The following TMEM131 variants were observed in gnomAD, a reference collection of about 807,000 sequenced individuals.
TMEM131 encodes the protein 2610524E03Rik.
Under a neutral mutation model 211.6 loss-of-function variants are expected in TMEM131, and 66 were observed. The ratio of observed to expected loss-of-function variants is 0.31; its 90% CI spans 0.26 to 0.38. The LOEUF (loss-of-function observed/expected upper bound fraction) is 0.38. TMEM131 is among the 10% of genes least tolerant of loss of function. The pLI is 1.00. For synonymous variants in TMEM131, 844 were observed against 841.3 expected (o/e 1.00, Z -0.06); for missense variants, 2,036 against 2,299.3 (o/e 0.89, Z 2.34).
At chr2:97,873,737 C>A (rs1448050851) in intron 4 of TMEM131, among the ~76,000 whole-genome samples, 1 of 152,074 alleles carries the variant, frequency 6.6e-6, no homozygotes, top group Non-Finnish European at 1.5e-5. Context: ...CATCAAAGAC[C>A]AAAGGTAGAT....
chr2:97,995,544 G>A lies in TMEM131; in HGVS notation c.119C>T (p.Ala40Val), dbSNP rs770444206. 1 of 1,340,174 alleles carries A rather than the reference G, an allele frequency of 7.5e-7. No homozygotes were observed. The allele number at this position is 1,340,174 out of a possible 1,614,324, so 83.0% of individuals were successfully genotyped here. ...CAGGTGCAGCGCGCCTAGGAGGCCG[G>A]CGGCCGCGCTCCGCGGGCCCCCGCT... ...ARSGGPRSAA[A>V]GLLGALHLVM... is the part of the protein sequence containing the mutation. The change falls in exon 1 of 41, where the codon GCC (alanine) becomes GTC (valine). Residue 40 changes from alanine to valine, a missense_variant. Around this residue, in one of 3 missense-constraint regions of TMEM131, gnomAD observed 136 missense variants for 115.4 expected, o/e 1.18. Coordinates refer to ENST00000186436, the MANE Select transcript of TMEM131 (RefSeq NM_015348.2).
intron 31 of TMEM131, among the ~76,000 whole-genome samples, chr2:97,788,064 C>A (rs995638654): frequency 2.6e-5 from 4 of 152,164 alleles, no homozygotes; most frequent in African/African-American, 4.8e-5. Flanking sequence ...CACAGCACCC[C>A]ACCGCTCTCC....
At chr2:97,913,718 C>T (rs1676386176) in intron 2 of TMEM131, among the ~76,000 whole-genome samples, 1 of 152,146 alleles carries the variant, frequency 6.6e-6, no homozygotes, top group African/African-American at 2.4e-5. Flanking sequence ...GAATGAGGTA[C>T]GTGGCAGTTG....
chr2:97,921,649 G>C (rs999122238), intron 2 of TMEM131, among the ~76,000 whole-genome samples: 3 of 152,148 alleles, frequency 2.0e-5, no homozygotes, highest in Non-Finnish European at 4.4e-5. Context: ...CTGCTGTGAG[G>C]TTACGGCTCC....
At chr2:97,886,032 G>A (rs887071099) in intron 4 of TMEM131, among the ~76,000 whole-genome samples, 25 of 151,690 alleles carry the variant, frequency 1.6e-4, no homozygotes, top group Middle Eastern at 3.2e-3. Flanking sequence ...TCTTTCTTCT[G>A]CTTGGTTTAG....
chr2:97,793,293 T>A, intron 30 of TMEM131, 102 bp downstream of exon 30: 2 of 1,283,688 alleles, frequency 1.6e-6, no homozygotes, highest in Non-Finnish European at 2.1e-6. Context: ...ATTAAGATTT[T>A]TTTTCTCCTG....
chr2:97,949,909 AG>A (rs1678223967), intron 1 of TMEM131, among the ~76,000 whole-genome samples: 1 of 151,842 alleles, frequency 6.6e-6, no homozygotes, highest in South Asian at 2.1e-4. Flanking sequence ...TAGCTTCTGA[AG>A]GATTCCAAAT....
intron 26 of TMEM131, 37 bp from the exon 27 acceptor site, chr2:97,797,023 T>C: frequency 1.3e-6 from 2 of 1,593,924 alleles, no homozygotes; most frequent in Non-Finnish European, 1.7e-6. Flanking sequence ...TTTCTCTCAT[T>C]AAATCTGCAC....
chr2:97,910,279 G>A (rs1464981670), intron 2 of TMEM131, among the ~76,000 whole-genome samples: 1 of 152,174 alleles, frequency 6.6e-6, no homozygotes, highest in East Asian at 1.9e-4. Flanking sequence ...CACTGTTAGT[G>A]TGAATATTAA....
At chr2:97,884,819 G>C (rs1242272346) in intron 4 of TMEM131, among the ~76,000 whole-genome samples, 1 of 152,158 alleles carries the variant, frequency 6.6e-6, no homozygotes, top group African/African-American at 2.4e-5. Context: ...TACAGATGAG[G>C]TGAGTTTCTT....
chr2:97,783,594 T>C (rs1443230693), intron 31 of TMEM131, among the ~76,000 whole-genome samples: 1 of 151,944 alleles, frequency 6.6e-6, no homozygotes, highest in Non-Finnish European at 1.5e-5. Flanking sequence ...GTTATGTACA[T>C]ATAATGTATA....
chr2:97,909,333 G>A (rs957701225), intron 2 of TMEM131, among the ~76,000 whole-genome samples: 3 of 152,120 alleles, frequency 2.0e-5, no homozygotes, highest in African/African-American at 4.8e-5. Context: ...AGAAACAGAT[G>A]GCAGGTCTCT....
intron 31 of TMEM131, among the ~76,000 whole-genome samples, chr2:97,789,858 T>A (rs746775019): frequency 2.6e-5 from 4 of 152,162 alleles, no homozygotes; most frequent in Non-Finnish European, 4.4e-5. Flanking sequence ...AGGCCAACCA[T>A]GAACAGGCGG....
At chr2:97,976,725 T>A (rs531887915) in intron 1 of TMEM131, among the ~76,000 whole-genome samples, 1 of 152,072 alleles carries the variant, frequency 6.6e-6, no homozygotes, top group Non-Finnish European at 1.5e-5. Flanking sequence ...ACAAAGTTGG[T>A]GAACTGACAC....
Position 97,766,193 on chromosome 2 carries a change from G to A in TMEM131, c.4644C>T (p.Gly1548=). 1 of 1,614,070 alleles carries A rather than the reference G, an allele frequency of 6.2e-7. No individual in the cohort carries two copies. Among genetic ancestry groups the A allele is most frequent in the South Asian group, 1.1e-5 (1 of 91,090 alleles). The change falls in exon 35 of 41, where the codon GGC becomes GGT. Residue 1548 remains glycine (G), a synonymous_variant. Transcript: ENST00000186436. ...AKFLPNSQEL[G]NTSSSEGEKD... ...TTTCACCCTCTGAGCTACTGGTGTT[G>A]CCTAATTCTTGACTATTCGGGAGGA...
chr2:97,842,019 A>C lies in TMEM131; in HGVS notation c.601-82T>G, dbSNP rs142012756. ...AGTTATAACTGACTGATCTAGGGAG[A>C]CTGGCAAATCTAATTTATGTATAAA... On this transcript the variant is annotated intron_variant, in intron 6 of 40. Transcript: ENST00000186436. 1,621 of 1,228,954 alleles carry C rather than the reference A, an allele frequency of 1.3e-3. 24 individuals carry two copies. In the African/African-American group the frequency reaches 0.019, roughly 15 times the overall value. The allele number at this position is 1,228,954 out of a possible 1,614,324, so 76.1% of individuals were successfully genotyped here. A position where few individuals can be genotyped will look rare whatever the true frequency, so the allele number is the denominator to read the frequency against.
At chr2:97,829,570 A>C (rs1442021904) in intron 11 of TMEM131, among the ~76,000 whole-genome samples, 8 of 152,236 alleles carry the variant, frequency 5.3e-5, no homozygotes, top group Non-Finnish European at 7.3e-5. Context: ...GGGGAGCCAA[A>C]TAACGGAATA....
intron 4 of TMEM131, among the ~76,000 whole-genome samples, chr2:97,883,228 G>A (rs183946172): frequency 2.9e-4 from 44 of 152,300 alleles, no homozygotes; most frequent in African/African-American, 1.0e-3. Context: ...AATTTTGGGA[G>A]GACACATTCA....
chr2:97,760,162 C>A (rs554094735), intron 38 of TMEM131: 3 of 264,398 alleles, frequency 1.1e-5, no homozygotes, highest in African/African-American at 4.4e-5. Flanking sequence ...GGCCACCACA[C>A]CCCCTGCATG....
Sources: allele counts gnomAD v4.1 joint callset (sites outside exome capture counted in the v4.1 genomes callset), GRCh38; gene constraint gnomAD v4.1.1; regional missense constraint gnomAD v4.1.1; transcripts MANE v1.5; gene names NCBI Gene and HGNC (gene_info 2026-07-23, HGNC 2026-07-21).